The following RORB variants were observed in gnomAD, a reference collection of about 807,000 sequenced individuals.
RORB encodes the protein nuclear receptor ROR-beta.
Under a neutral mutation model 59.1 loss-of-function variants are expected in RORB, and 6 were observed. The observed-to-expected ratio is 0.10, with a 90% CI of 0.06 to 0.20. RORB has a LOEUF of 0.20. Among genes scored for constraint, RORB ranks in the 10% least tolerant of loss-of-function variants. The probability of loss-of-function intolerance (pLI) is 1.00; values close to 1 mark genes in which losing one functional copy is unlikely to be tolerated. For synonymous variants in RORB, 215 were observed against 204.5 expected (o/e 1.05, Z -0.44); for missense variants, 320 against 560.5 (o/e 0.57, Z 4.33).
intron 1 of RORB, among the ~76,000 whole-genome samples, chr9:74,523,075 T>G (rs1268523715): frequency 6.6e-6 from 1 of 151,860 alleles, no homozygotes; most frequent in African/African-American, 2.4e-5. Context: ...ATTCCTCCTC[T>G]TTTAATTTAA....
intron 1 of RORB, among the ~76,000 whole-genome samples, chr9:74,503,366 T>C (rs1372840675): frequency 6.6e-6 from 1 of 152,050 alleles, no homozygotes; most frequent in Non-Finnish European, 1.5e-5. Flanking sequence ...GCAATATGTA[T>C]ATGTATGTGC....
chr9:74,650,742 G>A (rs969986608), intron 4 of RORB, among the ~76,000 whole-genome samples: 5 of 151,998 alleles, frequency 3.3e-5, no homozygotes, highest in African/African-American at 1.2e-4. Flanking sequence ...ACACAATAAG[G>A]AACCATCAAA....
chr9:74,685,920 G>A lies in RORB; in HGVS notation c.*302G>A, dbSNP rs1824634694. 1 of 188,758 alleles carries A rather than the reference G, an allele frequency of 5.3e-6. No homozygotes were observed. The allele number at this position is 188,758 out of a possible 1,614,324, so 11.7% of individuals were successfully genotyped here. A position where few individuals can be genotyped will look rare whatever the true frequency, so the allele number is the denominator to read the frequency against. On this transcript the variant is annotated 3_prime_UTR_variant, in exon 10 of 10. Coordinates refer to ENST00000376896, the MANE Select transcript of RORB (RefSeq NM_006914.4). Reference sequence around the variant, plus strand: ...AGACAACTGTTTATAGAATTTTATTGTAGATATATACAAGAAAAGAGCGGT... The same window carrying A: ...AGACAACTGTTTATAGAATTTTATTATAGATATATACAAGAAAAGAGCGGT...
chr9:74,665,405 A>G, intron 6 of RORB, 83 bp from the exon 7 acceptor site: 1 of 713,450 alleles, frequency 1.4e-6, no homozygotes, highest in South Asian at 2.5e-5. Flanking sequence ...AAAGTCTCTT[A>G]CCTATATGCA....
chr9:74,685,771 A>T lies in RORB; in HGVS notation c.*153A>T. 4.2e-6 allele frequency: 2 copies of T among 478,004 alleles called. No homozygotes were observed. The highest frequency in any genetic ancestry group is 6.9e-6 in the Non-Finnish European group (2 of 289,168). The allele number at this position is 478,004 out of a possible 1,614,324, so 29.6% of individuals were successfully genotyped here. A position where few individuals can be genotyped will look rare whatever the true frequency, so the allele number is the denominator to read the frequency against. On this transcript the variant is annotated 3_prime_UTR_variant, in exon 10 of 10. Coordinates refer to ENST00000376896, the MANE Select transcript of RORB (RefSeq NM_006914.4). ...ATTTTTCACCGCTACAGTTTGAAGA[A>T]TGTAAATATGCACCTGAGTGGGGCT...
chr9:74,619,960 T>C (rs1484042026), intron 1 of RORB, among the ~76,000 whole-genome samples: 1 of 152,194 alleles, frequency 6.6e-6, no homozygotes, highest in African/African-American at 2.4e-5. Context: ...TTATTGAGGA[T>C]TTTTGCATCG....
intron 1 of RORB, among the ~76,000 whole-genome samples, chr9:74,624,191 A>G (rs1351618847): frequency 6.6e-6 from 1 of 152,218 alleles, no homozygotes; most frequent in Non-Finnish European, 1.5e-5. Flanking sequence ...AGGGAATTAA[A>G]ATAATATAAA....
chr9:74,638,986 C>T (rs958801285), intron 3 of RORB, among the ~76,000 whole-genome samples: 54 of 152,146 alleles, frequency 3.5e-4, no homozygotes, highest in African/African-American at 1.2e-3. Flanking sequence ...GTAAAAAATG[C>T]AGAGCTTTTC....
intron 1 of RORB, among the ~76,000 whole-genome samples, chr9:74,629,592 A>C (rs987983044): frequency 2.0e-5 from 3 of 152,116 alleles, no homozygotes; most frequent in African/African-American, 7.2e-5. Flanking sequence ...TTCATCTCCA[A>C]TGAAACTATT....
intron 3 of RORB, among the ~76,000 whole-genome samples, chr9:74,638,055 C>A (rs959801314): frequency 6.6e-6 from 1 of 152,096 alleles, no homozygotes; most frequent in Non-Finnish European, 1.5e-5. Context: ...AAAAGGGTGG[C>A]AGAAGAGGCA....
intron 1 of RORB, among the ~76,000 whole-genome samples, chr9:74,527,586 CA>C (rs796656723): frequency 2.6e-5 from 4 of 151,980 alleles, no homozygotes; most frequent in African/African-American, 9.6e-5. Context: ...CTGTTATTAC[CA>C]AAAATGATTT....
At chr9:74,530,873 TA>T (rs1563929600) in intron 1 of RORB, among the ~76,000 whole-genome samples, 14 of 148,370 alleles carry the variant, frequency 9.4e-5, no homozygotes, top group Non-Finnish European at 1.5e-4. Flanking sequence ...TCCTTCCCCC[TA>T]CCCCCTACCC....
At chr9:74,603,159 A>G (rs1425040570) in intron 1 of RORB, among the ~76,000 whole-genome samples, 1 of 152,196 alleles carries the variant, frequency 6.6e-6, no homozygotes, top group African/African-American at 2.4e-5. Flanking sequence ...TCAGGTACTC[A>G]ACCCCAAAAC....
At chr9:74,516,377 T>C (rs1826010452) in intron 1 of RORB, among the ~76,000 whole-genome samples, 1 of 152,004 alleles carries the variant, frequency 6.6e-6, no homozygotes. Context: ...GACTAACATC[T>C]ATAATATATG....
chr9:74,550,758 A>G (rs944899248), intron 1 of RORB, among the ~76,000 whole-genome samples: 2 of 152,198 alleles, frequency 1.3e-5, no homozygotes, highest in Non-Finnish European at 2.9e-5. Context: ...CAAAGAATAA[A>G]TATCTGCTGG....
At chr9:74,585,037 G>T (rs967048952) in intron 1 of RORB, among the ~76,000 whole-genome samples, 8 of 152,200 alleles carry the variant, frequency 5.3e-5, no homozygotes, top group Non-Finnish European at 1.0e-4. Flanking sequence ...CTAATGCAGT[G>T]GTCCAGCCAG....
intron 1 of RORB, among the ~76,000 whole-genome samples, chr9:74,606,165 C>G (rs1294932592): frequency 6.6e-6 from 1 of 152,162 alleles, no homozygotes; most frequent in African/African-American, 2.4e-5. Context: ...TGCCTGGCTC[C>G]TACTGTAATA....
At chr9:74,607,645 T>C (rs1823169515) in intron 1 of RORB, among the ~76,000 whole-genome samples, 1 of 151,992 alleles carries the variant, frequency 6.6e-6, no homozygotes, top group South Asian at 2.1e-4. Flanking sequence ...AGTACATAAG[T>C]ATATCTATAT....
chr9:74,639,644 C>G (rs1014239472), intron 3 of RORB, among the ~76,000 whole-genome samples: 1 of 151,590 alleles, frequency 6.6e-6, no homozygotes, highest in African/African-American at 2.4e-5. Context: ...GTAGATCTAC[C>G]CTAGCTAAAA....
Sources: allele counts gnomAD v4.1 joint callset (sites outside exome capture counted in the v4.1 genomes callset), GRCh38; gene constraint gnomAD v4.1.1; transcripts MANE v1.5; gene names NCBI Gene and HGNC (gene_info 2026-07-23, HGNC 2026-07-21).